Variants in SORCS3 observed in about 807,000 individuals in gnomAD.
SORCS3 encodes sortilin related VPS10 domain containing receptor 3, also known as VPS10 domain-containing receptor SorCS3.
In SORCS3, 57 loss-of-function variants were observed where a neutral mutation model predicts 146.3. The ratio of observed to expected loss-of-function variants is 0.39; its 90% CI spans 0.31 to 0.49. The LOEUF (loss-of-function observed/expected upper bound fraction) is 0.49. SORCS3 is among the 20% of genes least tolerant of loss of function. SORCS3 has a pLI of 0.92. For synonymous variants in SORCS3, 653 were observed against 618.5 expected, an observed-to-expected ratio of 1.06 and a Z score of -0.83; for missense variants, 1,341 against 1,575.5, an observed-to-expected ratio of 0.85 and a Z score of 2.52.
At chr10:105,166,248 C>A (rs947810277) in intron 12 of SORCS3, among the ~76,000 whole-genome samples, 2 of 152,126 alleles carry the variant, frequency 1.3e-5, no homozygotes, top group African/African-American at 2.4e-5. Flanking sequence ...ACATTCACCC[C>A]TTAAATCTGA....
chr10:104,835,919 G>A (rs564871052), intron 1 of SORCS3, among the ~76,000 whole-genome samples: 114 of 152,270 alleles, frequency 7.5e-4, no homozygotes, highest in Admixed American at 2.4e-3. Flanking sequence ...AGCGTGGCAG[G>A]GAAAGTGTAC....
At position 104,687,549 on chromosome 10, in the gene SORCS3, T is replaced by C. The variant is rs189430346; in HGVS notation, c.627+45595T>C. On this transcript the variant is annotated intron_variant, in intron 1 of 26. Transcript: ENST00000369701. ...ATGTGAATTTCTTCCCTGAGTGTGT[T>C]TGTGCACTGGGGGTAGGGGTAGGGG... 1.4e-4 allele frequency among the ~76,000 whole-genome samples: 22 copies of C among 152,166 alleles called. No homozygotes were observed. The East Asian group carries it at 4.1e-3, about 28-fold the overall frequency.
Position 105,264,701 on chromosome 10 carries a change from G to A in SORCS3, c.*1327G>A, listed in dbSNP as rs12264321. The A allele has an allele frequency of 0.075, 11,403 of 152,688 alleles. 522 individuals are homozygous for A. Among genetic ancestry groups the A allele is most frequent in the Middle Eastern group, 0.21 (62 of 294 alleles). 9.5% of individuals were successfully genotyped at this position (152,688 alleles called of 1,614,324 possible). On this transcript the variant is annotated 3_prime_UTR_variant, in exon 27 of 27. Coordinates refer to ENST00000369701, the MANE Select transcript of SORCS3 (RefSeq NM_014978.3). The stretch of plus-strand genomic sequence containing the variant: ...AATGTCTGCCTTCAGTTCCCTTAAG[G>A]TAGTTCTTGCCTCTGGGGTGAGTGG...
chr10:105,182,230 CTTTTTT>C (rs11340368), intron 14 of SORCS3, among the ~76,000 whole-genome samples: 7,907 of 70,860 alleles, frequency 0.11, 372 homozygotes, highest in Middle Eastern at 0.27. Flanking sequence ...TATTCAGCAT[CTTTTTT>C]TTTTTTTTTT....
intron 1 of SORCS3, among the ~76,000 whole-genome samples, chr10:104,758,137 G>GGTCTGA (rs1177235620): frequency 1.3e-5 from 2 of 152,152 alleles, no homozygotes; most frequent in African/African-American, 4.8e-5. Flanking sequence ...GAGGAGAAAG[G>GGTCTGA]GTCTGAGATC....
intron 5 of SORCS3, among the ~76,000 whole-genome samples, chr10:105,085,717 G>T (rs1165230148): frequency 6.6e-6 from 1 of 152,148 alleles, no homozygotes; most frequent in Non-Finnish European, 1.5e-5. Flanking sequence ...CTAAGAAATG[G>T]ATTCAGATTT....
intron 1 of SORCS3, among the ~76,000 whole-genome samples, chr10:104,791,368 G>T (rs894290882): frequency 6.6e-6 from 1 of 152,156 alleles, no homozygotes; most frequent in Admixed American, 6.5e-5. Context: ...TCCTTTTCCT[G>T]GTTGCTGTGC....
chr10:105,151,996 C>G (rs1041414878), intron 9 of SORCS3, among the ~76,000 whole-genome samples: 6 of 152,280 alleles, frequency 3.9e-5, no homozygotes, highest in Admixed American at 3.9e-4. Flanking sequence ...ATTCTCGTAA[C>G]ACTCTTTTCA....
intron 4 of SORCS3, among the ~76,000 whole-genome samples, chr10:105,006,845 C>T (rs1045340048): frequency 6.6e-6 from 1 of 152,216 alleles, no homozygotes; most frequent in East Asian, 1.9e-4. Context: ...TTACAACAGG[C>T]ACCCCTTATC....
intron 8 of SORCS3, among the ~76,000 whole-genome samples, chr10:105,147,305 G>T (rs984794623): frequency 1.3e-5 from 2 of 152,068 alleles, no homozygotes; most frequent in Admixed American, 6.6e-5. Flanking sequence ...TTTAGCAAGG[G>T]TGTCTGTCTC....
intron 8 of SORCS3, among the ~76,000 whole-genome samples, chr10:105,141,193 C>A (rs2056093186): frequency 6.6e-6 from 1 of 152,158 alleles, no homozygotes; most frequent in Non-Finnish European, 1.5e-5. Flanking sequence ...CTGAATTGAT[C>A]ACAACCCTAG....
intron 3 of SORCS3, among the ~76,000 whole-genome samples, chr10:104,923,565 C>T (rs543874837): frequency 1.2e-4 from 18 of 152,292 alleles, no homozygotes; most frequent in African/African-American, 3.6e-4. Context: ...GAGCATCACA[C>T]GCATTACCCA....
intron 14 of SORCS3, among the ~76,000 whole-genome samples, chr10:105,189,885 T>C (rs1472500904): frequency 1.3e-5 from 2 of 152,234 alleles, no homozygotes; most frequent in Non-Finnish European, 2.9e-5. Context: ...GACTCATAGC[T>C]CAGAGTCAAC....
intron 1 of SORCS3, among the ~76,000 whole-genome samples, chr10:104,836,452 G>A (rs1231475614): frequency 6.6e-6 from 1 of 152,188 alleles, no homozygotes; most frequent in Admixed American, 6.5e-5. Context: ...TGTGTCTGAA[G>A]CTGGCTTGAG....
chr10:105,208,553 T>G (rs1202319636), intron 16 of SORCS3, among the ~76,000 whole-genome samples: 1 of 151,228 alleles, frequency 6.6e-6, no homozygotes, highest in African/African-American at 2.4e-5. Flanking sequence ...TACCACAACA[T>G]TATATAATAT....
At chr10:104,669,364 A>C (rs2015823828) in intron 1 of SORCS3, among the ~76,000 whole-genome samples, 3 of 152,184 alleles carry the variant, frequency 2.0e-5, no homozygotes, top group African/African-American at 7.2e-5. Context: ...TTCATCTTGC[A>C]AAACAAACTC....
Position 105,211,143 on chromosome 10 carries a change from T to C in SORCS3, c.2268T>C (p.Tyr756=), listed in dbSNP as rs2056631017. 1 of 1,612,622 alleles carries C rather than the reference T, an allele frequency of 6.2e-7. No individual in the cohort carries two copies. Among genetic ancestry groups the C allele is most frequent in the Non-Finnish European group, 8.5e-7 (1 of 1,178,638 alleles). ...ATATTCATTTTCCTGACAGTGACTA[T>C]GGGTATGAGAGACATGGGGAGAGCC... The part of the protein sequence containing the change: ...VCANWDFECD[Y]GYERHGESQC... The change falls in exon 17 of 27, where the codon TAT becomes TAC. Residue 756 remains tyrosine (Y), a synonymous_variant. Coordinates refer to ENST00000369701, the MANE Select transcript of SORCS3 (RefSeq NM_014978.3).
rs187213607 is a variant in SORCS3, at chr10:104,882,625, C to T, written c.696-33208C>T. ...TTGGGAAATATGTTTATGGATTTGACCCAACACTCCTGTTTAGGGAAGATA... is the reference window on the plus strand; with the variant it reads ...TTGGGAAATATGTTTATGGATTTGATCCAACACTCCTGTTTAGGGAAGATA... On this transcript the variant is annotated intron_variant, in intron 2 of 26. Coordinates refer to ENST00000369701, the MANE Select transcript of SORCS3 (RefSeq NM_014978.3). Among the ~76,000 whole-genome samples the T allele has an allele frequency of 1.4e-3, 211 of 152,212 alleles. 1 individual carries two copies. The highest frequency in any genetic ancestry group is 2.1e-3 in the Non-Finnish European group (143 of 68,020).
intron 1 of SORCS3, among the ~76,000 whole-genome samples, chr10:104,807,246 C>A (rs2017689001): frequency 6.6e-6 from 1 of 152,028 alleles, no homozygotes. Flanking sequence ...CATGCACATG[C>A]ATTTTGTACA....
Sources: allele counts gnomAD v4.1 joint callset (sites outside exome capture counted in the v4.1 genomes callset), GRCh38; gene constraint gnomAD v4.1.1; transcripts MANE v1.5; gene names NCBI Gene and HGNC (gene_info 2026-07-23, HGNC 2026-07-21).